The following MPI variants were observed in gnomAD, a reference collection of about 807,000 sequenced individuals.
The protein encoded by MPI is mannose phosphate isomerase, also known as mannose-6-phosphate isomerase.
MPI carries 33 observed loss-of-function variants against 40.1 expected under a neutral mutation model. That is an observed-to-expected ratio of 0.82 (90% CI 0.62 to 1.10). MPI has a LOEUF of 1.10. Ranked by LOEUF, MPI falls within the 50% of genes least tolerant of loss-of-function variation. The pLI is 0.00. For missense variants in MPI, 514 were observed against 524.1 expected (o/e 0.98, Z 0.19); for synonymous variants, 187 against 207.4 (o/e 0.90, Z 0.85).
At chr15:74,891,006 C>T (rs2064717880) in intron 2 of MPI, 1 of 566,502 alleles carries the variant, frequency 1.8e-6, no homozygotes, top group African/African-American at 1.8e-5. Context: ...CATAGGAAGG[C>T]TTTCGCCTCT....
Position 74,890,547 on chromosome 15 carries a change from G to T in MPI, c.37G>T (p.Val13Leu). ...CCTAGTATTCCCACTTTCCTGTGCG[G>T]TGCAGCAGTATGCCTGGGGGAAGAT... ...APRVFPLSCA[V>L]QQYAWGKMGS... The change falls in exon 2 of 8, where the codon GTG becomes TTG. Residue 13 changes from valine (V) to leucine (L), a missense_variant. Val to Leu is a conservative substitution (Grantham distance 32). Coordinates refer to ENST00000352410, the MANE Select transcript of MPI (RefSeq NM_002435.3). 1 of 1,614,196 alleles carries T rather than the reference G, an allele frequency of 6.2e-7. No individual in the cohort carries two copies.
At chr15:74,892,579 G>A in intron 3 of MPI, 82 bp from the exon 4 acceptor site, 1 of 1,588,248 alleles carries the variant, frequency 6.3e-7, no homozygotes, top group Non-Finnish European at 8.6e-7. Context: ...AGGGTGGACA[G>A]CAGGGGCTAG....
Position 74,892,706 on chromosome 15 carries a change from G to A in MPI, c.391G>A (p.Asp131Asn), listed in dbSNP as rs566620411. 16 of 1,614,202 alleles carry A rather than the reference G, an allele frequency of 9.9e-6. No individual in the cohort carries two copies. Among genetic ancestry groups the A allele is most frequent in the Admixed American group, 3.3e-5 (2 of 60,024 alleles). Reference sequence around the variant, plus strand: ...CCTCCAGGCTCCGCAGCACTACCCCGATGCCAACCACAAGCCAGAGATGGC... The same window carrying A: ...CCTCCAGGCTCCGCAGCACTACCCCAATGCCAACCACAAGCCAGAGATGGC... ...LHLQAPQHYP[D>N]ANHKPEMAIA... is the part of the protein sequence containing the mutation. The change falls in exon 4 of 8, where the codon GAT becomes AAT. Residue 131 changes from aspartate (D) to asparagine (N), a missense_variant. By Grantham distance (23) the Asp-to-Asn change is conservative. Coordinates refer to ENST00000352410, the MANE Select transcript of MPI (RefSeq NM_002435.3).
rs2064974699 is a variant in MPI, at chr15:74,901,895, G to A, written c.*4165G>A. 2 of 389,388 alleles carry A rather than the reference G, an allele frequency of 5.1e-6. No homozygotes were observed. Among genetic ancestry groups the A allele is most frequent in the South Asian group, 2.9e-4 (2 of 6,952 alleles). 24.1% of individuals were successfully genotyped at this position (389,388 alleles called of 1,614,324 possible). A position where few individuals can be genotyped will look rare whatever the true frequency, so the allele number is the denominator to read the frequency against. On this transcript the variant is annotated 3_prime_UTR_variant, in exon 8 of 8. Transcript: ENST00000352410. Reference sequence around the variant, plus strand: ...AATACAAATAAATAAATATGAACATGTCAGAGCAGTTTTTCTCTAACTAGG... The same window carrying A: ...AATACAAATAAATAAATATGAACATATCAGAGCAGTTTTTCTCTAACTAGG...
At position 74,901,076 on chromosome 15, in the gene MPI, AAAGC is replaced by A. The variant is rs1190984058; in HGVS notation, c.*3350_*3353del. The A allele has an allele frequency of 6.6e-6, 1 of 152,230 alleles. No individual in the cohort carries two copies. The highest frequency in any genetic ancestry group is 1.5e-5 in the Non-Finnish European group (1 of 68,038). 9.4% of individuals were successfully genotyped at this position (152,230 alleles called of 1,614,324 possible). A position where few individuals can be genotyped will look rare whatever the true frequency, so the allele number is the denominator to read the frequency against. On this transcript the variant is annotated 3_prime_UTR_variant, in exon 8 of 8. Coordinates refer to ENST00000352410, the MANE Select transcript of MPI (RefSeq NM_002435.3). ...CTCTGGTGGTCACAGGACACTGAGT[AAAGC>A]AAGAGACTGGATACTTTCCCATGTA... is the stretch of plus-strand genomic sequence containing the variant.
rs1318782866 is a variant in MPI, at chr15:74,893,307, G to C, written c.657G>C (p.Arg219=). 7 of 1,614,226 alleles carry C rather than the reference G, an allele frequency of 4.3e-6. No homozygotes were observed. The highest frequency in any genetic ancestry group is 5.9e-6 in the Non-Finnish European group (7 of 1,180,024). The part of the protein sequence containing the change: ...VVEQLNLLVK[R]ISQQAAAGNN... ...AACAGCTCAACCTGTTGGTGAAGCG[G>C]ATCTCCCAGCAAGGTGGACACAGTT... is the stretch of plus-strand genomic sequence containing the variant. The change falls in exon 5 of 8, where the codon CGG becomes CGC. Residue 219 remains arginine (R), a synonymous_variant. Coordinates refer to ENST00000352410, the MANE Select transcript of MPI (RefSeq NM_002435.3).
chr15:74,891,327 C>A, intron 2 of MPI, 52 bp from the exon 3 acceptor site: 1 of 1,564,604 alleles, frequency 6.4e-7, no homozygotes, highest in South Asian at 1.1e-5. Flanking sequence ...CAGGCCAACT[C>A]AGGGTGGCAG....
chr15:74,890,734 G>C, intron 2 of MPI, 80 bp downstream of exon 2: 2 of 1,597,830 alleles, frequency 1.3e-6, no homozygotes, highest in Non-Finnish European at 1.7e-6. Flanking sequence ...AGAATCAGCT[G>C]GGAAGGGTGA....
Position 74,902,080 on chromosome 15 carries a change from G to A in MPI, c.*4350G>A, listed in dbSNP as rs967348523. 5.0e-6 allele frequency: 2 copies of A among 398,600 alleles called. No homozygotes were observed. Among genetic ancestry groups the A allele is most frequent in the Admixed American group, 8.8e-5 (2 of 22,734 alleles). 24.7% of individuals were successfully genotyped at this position (398,600 alleles called of 1,614,324 possible). A position where few individuals can be genotyped will look rare whatever the true frequency, so the allele number is the denominator to read the frequency against. On this transcript the variant is annotated 3_prime_UTR_variant, in exon 8 of 8. Transcript: ENST00000352410. Reference sequence around the variant, plus strand: ...AGGTGCAACCTGAAGAGGGACAAAAGGACTCACTTTATGCTGTCTTGAAGG... The same window carrying A: ...AGGTGCAACCTGAAGAGGGACAAAAAGACTCACTTTATGCTGTCTTGAAGG...
chr15:74,893,034 C>T, intron 4 of MPI, 104 bp from the exon 5 acceptor site: 4 of 1,488,336 alleles, frequency 2.7e-6, no homozygotes, highest in Non-Finnish European at 3.7e-6. Flanking sequence ...GCATTGCCGG[C>T]TCTTTGGTTA....
Position 74,896,161 on chromosome 15 carries a change from G to T in MPI, c.680G>T (p.Gly227Val). Reference sequence around the variant, plus strand: ...GCTCTGTGACCCTCAGCGGCTGCCGGAAACAACATGGAGGACATCTTTGGG... The same window carrying T: ...GCTCTGTGACCCTCAGCGGCTGCCGTAAACAACATGGAGGACATCTTTGGG... ...VKRISQQAAAGNNMEDIFGEL... is the reference protein window; with the variant it reads ...VKRISQQAAAVNNMEDIFGEL... The change falls in exon 6 of 8, where the codon GGA becomes GTA. Residue 227 changes from glycine to valine, a missense_variant. Physicochemically the swap from Gly to Val is moderately radical, Grantham distance 109. Coordinates refer to ENST00000352410, the MANE Select transcript of MPI (RefSeq NM_002435.3). 6.2e-7 allele frequency: 1 copy of T among 1,614,084 alleles called. No homozygotes were observed. Among genetic ancestry groups the T allele is most frequent in the African/African-American group, 1.3e-5 (1 of 75,008 alleles).
chr15:74,894,749 T>C (rs1432712913), intron 5 of MPI, among the ~76,000 whole-genome samples: 3 of 146,396 alleles, frequency 2.0e-5, no homozygotes, highest in Non-Finnish European at 4.5e-5. Context: ...ATTGCACCAC[T>C]GCACTTCAGC....
chr15:74,895,819 C>T, intron 5 of MPI: 1 of 360,824 alleles, frequency 2.8e-6, no homozygotes, highest in South Asian at 2.6e-5. Context: ...CAGGACAGCC[C>T]CCACAATAAA....
Position 74,899,681 on chromosome 15 carries a change from CA to C in MPI, c.*1952del, listed in dbSNP as rs1390602009. 6.6e-6 allele frequency: 1 copy of C among 152,224 alleles called. No homozygotes were observed. The allele number at this position is 152,224 out of a possible 1,614,324, so 9.4% of individuals were successfully genotyped here. A position where few individuals can be genotyped will look rare whatever the true frequency, so the allele number is the denominator to read the frequency against. ...TCGCACTGTCTCCCGGGCTGGAGTG[CA>C]GTGGCGCGATAGCTCACTGCAACCT... On this transcript the variant is annotated 3_prime_UTR_variant, in exon 8 of 8. Transcript: ENST00000352410.
Position 74,897,203 on chromosome 15 carries a change from C to T in MPI, c.1037C>T (p.Thr346Ile). The T allele has an allele frequency of 6.2e-7, 1 of 1,614,126 alleles. No individual in the cohort carries two copies. The highest frequency in any genetic ancestry group is 1.1e-5 in the South Asian group (1 of 91,090). ...SIYDPPVPDF[T>I]IMKTEVPGSV... Reference sequence around the variant, plus strand: ...TATGACCCCCCTGTACCAGACTTCACCATTATGAAGACGGAGGTGAGTGAG... The same window carrying T: ...TATGACCCCCCTGTACCAGACTTCATCATTATGAAGACGGAGGTGAGTGAG... The change falls in exon 7 of 8, where the codon ACC becomes ATC. Residue 346 changes from threonine (T) to isoleucine (I), a missense_variant. Physicochemically the swap from Thr to Ile is moderately conservative, Grantham distance 89. Transcript: ENST00000352410.
chr15:74,893,276 T>C lies in MPI; in HGVS notation c.626T>C (p.Val209Ala). 6.2e-7 allele frequency: 1 copy of C among 1,614,144 alleles called. No individual in the cohort carries two copies. Among genetic ancestry groups the C allele is most frequent in the Non-Finnish European group, 8.5e-7 (1 of 1,180,018 alleles). The part of the protein sequence containing the change: ...SHLMKSEKKV[V>A]VEQLNLLVKR... ...CTGATGAAGAGTGAGAAGAAGGTGG[T>C]GGTGGAACAGCTCAACCTGTTGGTG... The change falls in exon 5 of 8, where the codon GTG becomes GCG. Residue 209 changes from valine (V) to alanine (A), a missense_variant. Physicochemically the swap from Val to Ala is moderately conservative, Grantham distance 64. Transcript: ENST00000352410.
In MPI at chr15:74,896,605, T is replaced by C. The variant is rs1232794721; in HGVS notation, c.844+280T>C. 1.8e-5 allele frequency: 11 copies of C among 627,590 alleles called. No homozygotes were observed. The East Asian group carries it at 2.7e-4, about 16-fold the overall frequency. 38.9% of individuals were successfully genotyped at this position (627,590 alleles called of 1,614,324 possible). A position where few individuals can be genotyped will look rare whatever the true frequency, so the allele number is the denominator to read the frequency against. The stretch of plus-strand genomic sequence containing the variant: ...GGAACCACAATTTGAACGCAGGCTA[T>C]ATTGGATCAAAGCTGTTGTTCTGTC... On this transcript the variant is annotated intron_variant, in intron 6 of 7. Transcript: ENST00000352410.
chr15:74,892,857 A>C, intron 4 of MPI, 55 bp downstream of exon 4: 1 of 1,613,080 alleles, frequency 6.2e-7, no homozygotes, highest in Non-Finnish European at 8.5e-7. Flanking sequence ...TACCTGGGGA[A>C]CCAAGATGAT....
chr15:74,890,664 G>C lies in MPI; in HGVS notation c.144+10G>C. On this transcript the variant is annotated intron_variant, in intron 2 of 7. Coordinates refer to ENST00000352410, the MANE Select transcript of MPI (RefSeq NM_002435.3). Reference sequence around the variant, plus strand: ...CAAGCCTTATGCAGAGGTGAGCCCCGGGCTGTATTTCAGCCCACTTTACCC... The same window carrying C: ...CAAGCCTTATGCAGAGGTGAGCCCCCGGCTGTATTTCAGCCCACTTTACCC... 1 of 1,613,158 alleles carries C rather than the reference G, an allele frequency of 6.2e-7. No homozygotes were observed. The highest frequency in any genetic ancestry group is 1.1e-5 in the South Asian group (1 of 91,080).
Sources: allele counts gnomAD v4.1 joint callset (sites outside exome capture counted in the v4.1 genomes callset), GRCh38; gene constraint gnomAD v4.1.1; transcripts MANE v1.5; gene names NCBI Gene and HGNC (gene_info 2026-07-23, HGNC 2026-07-21).